VKORC1: variants seen among roughly 807,000 people sequenced by gnomAD.
VKORC1 encodes the protein vitamin K epoxide reductase complex subunit 1.
A neutral mutation model predicts 14.8 loss-of-function variants in VKORC1; 12 were observed. The observed-to-expected ratio is 0.81, with a 90% confidence interval of 0.52 to 1.31. The LOEUF (loss-of-function observed/expected upper bound fraction) is 1.31. Ranked by LOEUF, VKORC1 falls within the 50% of genes most tolerant of loss-of-function variation. The pLI is 0.00. For synonymous variants in VKORC1, 94 were observed against 92.5 expected (o/e 1.02, Z -0.09); for missense variants, 223 against 215.3 (o/e 1.04, Z -0.22).
intron 1 of VKORC1, 184 bp from the exon 2 acceptor site, chr16:31,093,605 A>T: frequency 6.9e-7 from 1 of 1,455,544 alleles, no homozygotes; most frequent in Admixed American, 2.1e-5. Context: ...TCAGGATTCC[A>T]TGTCACTGAC....
rs1274936950 is a variant in VKORC1 at position 31,094,771 on chromosome 16, C to T, written c.-42G>A. On this transcript the variant is annotated 5_prime_UTR_variant, in exon 1 of 3. Transcript: ENST00000394975. ...CCGAGGCGCCCGCGGAGAAAACCAG[C>T]CACGGAGCAGGGGCCGGGCGGCGAA... The T allele has an allele frequency of 1.3e-6, 2 of 1,563,514 alleles. No individual in the cohort carries two copies. The highest frequency in any genetic ancestry group is 1.7e-6 in the Non-Finnish European group (2 of 1,159,152).
Position 31,090,964 on chromosome 16 carries a change from A to T in VKORC1, c.*170T>A. 9.0e-7 allele frequency: 1 copy of T among 1,111,896 alleles called. No homozygotes were observed. Among genetic ancestry groups the T allele is most frequent in the Non-Finnish European group, 1.3e-6 (1 of 783,734 alleles). The allele number at this position is 1,111,896 out of a possible 1,614,324, so 68.9% of individuals were successfully genotyped here. A position where few individuals can be genotyped will look rare whatever the true frequency, so the allele number is the denominator to read the frequency against. ...GTCAGAGGCACTGGGTGTAAAAAAG[A>T]GCGAGCGTGTGGCACATTTGGTCCA... On this transcript the variant is annotated 3_prime_UTR_variant, in exon 3 of 3. Transcript: ENST00000394975.
intron 1 of VKORC1, 99 bp from the exon 2 acceptor site, chr16:31,093,520 C>G (rs1172580115): frequency 6.3e-7 from 1 of 1,582,220 alleles, no homozygotes; most frequent in South Asian, 1.1e-5. Context: ...GCCACCTGGG[C>G]TATCCTCTGT....
At chr16:31,093,605 A>ATGTCAC (rs1405284240) in intron 1 of VKORC1, 184 bp from the exon 2 acceptor site, 1 of 1,455,544 alleles carries the variant, frequency 6.9e-7, no homozygotes, top group Non-Finnish European at 9.2e-7. Flanking sequence ...TCAGGATTCC[A>ATGTCAC]TGTCACTGAC....
In VKORC1 at chr16:31,091,743, C is replaced by T. The variant is rs529720075; in HGVS notation, c.284-401G>A. On this transcript the variant is annotated intron_variant, in intron 2 of 2. Coordinates refer to ENST00000394975, the MANE Select transcript of VKORC1 (RefSeq NM_024006.6). ...CTCTAATAAAAATACAAAAATTAGC[C>T]GGGTGTGTTGATGGGCACCTGTAAT... 2.7e-4 allele frequency among the ~76,000 whole-genome samples: 41 copies of T among 152,146 alleles called. No individual in the cohort carries two copies. In the South Asian group the frequency reaches 6.4e-3, roughly 24 times the overall value.
In VKORC1 at chr16:31,094,624, C is replaced by A. The variant is rs61742245; in HGVS notation, c.106G>T (p.Asp36Tyr). The change falls in exon 1 of 3, where the codon GAC (aspartate) becomes TAC (tyrosine). Residue 36 changes from aspartate to tyrosine, a missense_variant. Coordinates refer to ENST00000394975, the MANE Select transcript of VKORC1 (RefSeq NM_024006.6). ...TCGCAGAGCGCGCGGTAATCCCGGT[C>A]CCGGGCGCGCGCCGCCTTCACGTGC... ...ALHVKAARAR[D>Y]RDYRALCDVG... is the part of the protein sequence containing the mutation. The A allele has an allele frequency of 1.4e-3, 2,173 of 1,606,390 alleles. 27 individuals are homozygous for A. The highest frequency in any genetic ancestry group is 9.9e-3 in the Middle Eastern group (60 of 6,048).
Position 31,094,786 on chromosome 16 carries a change from C to T in VKORC1, c.-57G>A. ...AGAAAACCAGCCACGGAGCAGGGGC[C>T]GGGCGGCGAATGGCCGCGCCCCTCC... On this transcript the variant is annotated 5_prime_UTR_variant, in exon 1 of 3. Transcript: ENST00000394975. 4 of 1,547,866 alleles carry T rather than the reference C, an allele frequency of 2.6e-6. No individual in the cohort carries two copies. The highest frequency in any genetic ancestry group is 3.5e-6 in the Non-Finnish European group (4 of 1,152,030).
chr16:31,092,907 T>C (rs947405970), intron 2 of VKORC1: 2 of 548,732 alleles, frequency 3.6e-6, no homozygotes, highest in East Asian at 1.4e-4. Context: ...CTGGGCATAG[T>C]GGTGCACGCC....
rs372656557 is a variant in VKORC1 at position 31,091,199 on chromosome 16, C to T, written c.427G>A (p.Val143Met). 9.3e-5 allele frequency: 150 copies of T among 1,614,036 alleles called. No homozygotes were observed. In the Admixed American group the frequency reaches 1.6e-3, roughly 17 times the overall value. The change falls in exon 3 of 3, where the codon GTG becomes ATG. Residue 143 changes from valine (V) to methionine (M), a missense_variant. Val to Met is a conservative substitution (Grantham distance 21, BLOSUM62 1). Transcript: ENST00000394975. ...IVCITTYAIN[V>M]SLMWLSFRKV... is the part of the protein sequence containing the mutation. ...CGGAAACTGAGCCACATCAGGCTCA[C>T]GTTGATAGCATAGGTGGTGATACAA...
Position 31,094,720 on chromosome 16 carries a change from T to G in VKORC1, c.10A>C (p.Thr4Pro). 3 of 1,605,334 alleles carry G rather than the reference T, an allele frequency of 1.9e-6. No homozygotes were observed. The highest frequency in any genetic ancestry group is 1.1e-5 in the South Asian group (1 of 90,238). ...CGCACCCAGCCAGGGCTCCCCCAGG[T>G]GCTGCCCATTATCTCCAGGTTCCGC... MGS[T>P]WGSPGWVRLA... is the part of the protein sequence containing the mutation. The change falls in exon 1 of 3, where the codon ACC (threonine) becomes CCC (proline). Residue 4 changes from threonine (T) to proline (P), a missense_variant. Thr to Pro is a conservative substitution (Grantham distance 38). Coordinates refer to ENST00000394975, the MANE Select transcript of VKORC1 (RefSeq NM_024006.6).
At chr16:31,094,513 G>A (rs1232685673) in intron 1 of VKORC1, 44 bp downstream of exon 1, 1 of 1,612,524 alleles carries the variant, frequency 6.2e-7, no homozygotes, top group Non-Finnish European at 8.5e-7. Context: ...TGGCATCCTG[G>A]CCGCCCTGCT....
At chr16:31,094,483 C>T (rs762482023) in intron 1 of VKORC1, 74 bp downstream of exon 1, 4 of 1,612,784 alleles carry the variant, frequency 2.5e-6, no homozygotes, top group Non-Finnish European at 3.4e-6. Flanking sequence ...ACACCGATCC[C>T]AGACTCCAGA....
intron 2 of VKORC1, among the ~76,000 whole-genome samples, chr16:31,091,797 A>C (rs1262354984): frequency 6.6e-6 from 1 of 152,070 alleles, no homozygotes; most frequent in African/African-American, 2.4e-5. Context: ...TAAGGTGGAG[A>C]ATCGCTTGAA....
Position 31,094,032 on chromosome 16 carries a change from G to A in VKORC1, c.173+525C>T, listed in dbSNP as rs17708472. 189,913 of 961,844 alleles carry A rather than the reference G, an allele frequency of 0.2. 21,266 individuals are homozygous for A. The highest frequency in any genetic ancestry group is 0.23 in the Non-Finnish European group (153,661 of 660,490). 59.6% of individuals were successfully genotyped at this position (961,844 alleles called of 1,614,324 possible). Reference sequence around the variant, plus strand: ...AAGTAATTCTTAAAATGGCAAGGCTGGTATAACGGTTCACTCGGTTTTGCA... The same window carrying A: ...AAGTAATTCTTAAAATGGCAAGGCTAGTATAACGGTTCACTCGGTTTTGCA... On this transcript the variant is annotated intron_variant, in intron 1 of 2. Coordinates refer to ENST00000394975, the MANE Select transcript of VKORC1 (RefSeq NM_024006.6).
At chr16:31,092,690 G>A in intron 2 of VKORC1, 3 of 1,233,674 alleles carry the variant, frequency 2.4e-6, no homozygotes, top group African/African-American at 1.6e-5. Flanking sequence ...CACTAAATGA[G>A]ACAAAAGATA....
Position 31,091,015 on chromosome 16 carries a change from G to T in VKORC1, c.*119C>A, listed in dbSNP as rs1363677114. The T allele has an allele frequency of 6.7e-7, 1 of 1,499,782 alleles. No homozygotes were observed. The highest frequency in any genetic ancestry group is 2.0e-5 in the Admixed American group (1 of 49,906). 92.9% of individuals were successfully genotyped at this position (1,499,782 alleles called of 1,614,324 possible). On this transcript the variant is annotated 3_prime_UTR_variant, in exon 3 of 3. Transcript: ENST00000394975. Reference sequence around the variant, plus strand: ...TTGTCATGTGCGGGTATGGCAGGAGGAGGGGGTAATCTAGAAGCCCCACAT... The same window carrying T: ...TTGTCATGTGCGGGTATGGCAGGAGTAGGGGGTAATCTAGAAGCCCCACAT...
Position 31,094,233 on chromosome 16 carries a change from A to C in VKORC1, c.173+324T>G, listed in dbSNP as rs2884737. 365,022 of 1,605,870 alleles carry C rather than the reference A, an allele frequency of 0.23. 46,667 individuals are homozygous for C. The highest frequency in any genetic ancestry group is 0.41 in the Middle Eastern group (2,463 of 6,040). On this transcript the variant is annotated intron_variant, in intron 1 of 2. Transcript: ENST00000394975. ...GCAGCCATCGCCAACACCCCCCTTC[A>C]CCTGCGCGCCGTCCTTGAGACCATC...
At chr16:31,091,828 G>C (rs1404745287) in intron 2 of VKORC1, among the ~76,000 whole-genome samples, 1 of 152,118 alleles carries the variant, frequency 6.6e-6, no homozygotes, top group Non-Finnish European at 1.5e-5. Context: ...GGAGGTTGCA[G>C]TGAGCCGAGA....
chr16:31,092,908 G>A lies in VKORC1; in HGVS notation c.283+404C>T, dbSNP rs1407592813. On this transcript the variant is annotated intron_variant, in intron 2 of 2. Coordinates refer to ENST00000394975, the MANE Select transcript of VKORC1 (RefSeq NM_024006.6). ...AAAACAAAAATTAGCTGGGCATAGT[G>A]GTGCACGCCTGTGATTCCAGCTGCT... 1.7e-5 allele frequency: 9 copies of A among 535,804 alleles called. No homozygotes were observed. The Middle Eastern group carries it at 1.5e-3, about 88-fold the overall frequency. The allele number at this position is 535,804 out of a possible 1,614,324, so 33.2% of individuals were successfully genotyped here.
Sources: allele counts gnomAD v4.1 joint callset (sites outside exome capture counted in the v4.1 genomes callset), GRCh38; gene constraint gnomAD v4.1.1; transcripts MANE v1.5; gene names NCBI Gene and HGNC (gene_info 2026-07-23, HGNC 2026-07-21).